Variants in KDM4A observed in about 807,000 individuals in gnomAD.
KDM4A encodes the protein lysine-specific demethylase 4A.
KDM4A carries 23 observed loss-of-function variants against 127.1 expected under a neutral mutation model. The ratio of observed to expected loss-of-function variants is 0.18; its 90% CI spans 0.13 to 0.26. The LOEUF (loss-of-function observed/expected upper bound fraction) is 0.26, where lower values mean the gene tolerates loss of function less well. KDM4A is among the 10% of genes least tolerant of loss of function. The pLI, the probability that KDM4A is intolerant of heterozygous loss-of-function variation, is 1.00. For missense variants in KDM4A, 890 were observed against 1,329.1 expected (o/e 0.67, Z 5.14); for synonymous variants, 443 against 466.5 (o/e 0.95, Z 0.65).
At chr1:43,656,867 A>G (rs1660254652) in intron 3 of KDM4A, among the ~76,000 whole-genome samples, 1 of 151,560 alleles carries the variant, frequency 6.6e-6, no homozygotes. Context: ...CTGGGATTAC[A>G]TACAGGCGCC....
chr1:43,687,501 A>G (rs1332985559), intron 12 of KDM4A, among the ~76,000 whole-genome samples: 1 of 152,336 alleles, frequency 6.6e-6, no homozygotes, highest in East Asian at 1.9e-4. Flanking sequence ...GCAGAGAGCC[A>G]GTCTCCTGTC....
chr1:43,652,311 G>A (rs374292646), intron 1 of KDM4A, among the ~76,000 whole-genome samples: 2 of 152,186 alleles, frequency 1.3e-5, no homozygotes, highest in South Asian at 2.1e-4. Flanking sequence ...GTACTATTAG[G>A]ACCAACAACT....
chr1:43,683,918 C>T (rs1660914140), intron 12 of KDM4A, 114 bp downstream of exon 12: 3 of 1,151,064 alleles, frequency 2.6e-6, no homozygotes, highest in Non-Finnish European at 3.7e-6. Flanking sequence ...GGCTTAGCTG[C>T]TCTTCCAGAT....
At chr1:43,691,619 A>AT (rs1557918333) in intron 15 of KDM4A, 47 bp downstream of exon 15, 1 of 1,516,450 alleles carries the variant, frequency 6.6e-7, no homozygotes, top group Non-Finnish European at 9.2e-7. Context: ...GTCTTGGTGC[A>AT]TATTCAGGGC....
intron 19 of KDM4A, among the ~76,000 whole-genome samples, chr1:43,700,926 ATT>A (rs60244309): frequency 2.8e-5 from 4 of 143,098 alleles, no homozygotes; most frequent in Admixed American, 7.0e-5. Context: ...TATAAATTTA[ATT>A]TTTTTTTTTT....
intron 2 of KDM4A, chr1:43,653,545 GTGTCT>G (rs1660168184): frequency 2.7e-6 from 1 of 366,040 alleles, no homozygotes; most frequent in Non-Finnish European, 5.0e-6. Flanking sequence ...TAAAGAGCTA[GTGTCT>G]CCAGGCCTGG....
At chr1:43,659,114 T>C (rs1008614096) in intron 3 of KDM4A, among the ~76,000 whole-genome samples, 8 of 152,016 alleles carry the variant, frequency 5.3e-5, no homozygotes, top group Non-Finnish European at 1.0e-4. Context: ...CTGGGCAACA[T>C]TGCAGGACTT....
intron 5 of KDM4A, among the ~76,000 whole-genome samples, chr1:43,664,190 G>A (rs910943078): frequency 2.6e-5 from 4 of 152,202 alleles, no homozygotes; most frequent in Non-Finnish European, 5.9e-5. Context: ...ACCGGGTGGA[G>A]TGGTGGTGGG....
chr1:43,686,634 G>A (rs751253640), intron 12 of KDM4A, among the ~76,000 whole-genome samples: 2 of 152,170 alleles, frequency 1.3e-5, no homozygotes, highest in Non-Finnish European at 2.9e-5. Context: ...ACCGCACCCA[G>A]CCCCACAATA....
At chr1:43,677,880 G>C (rs939257092) in intron 11 of KDM4A, among the ~76,000 whole-genome samples, 1 of 152,186 alleles carries the variant, frequency 6.6e-6, no homozygotes, top group Non-Finnish European at 1.5e-5. Context: ...AAAAAGATTT[G>C]AAACAGGGAA....
At position 43,694,206 on chromosome 1, in the gene KDM4A, C is replaced by G; in HGVS notation, c.2484+104C>G. The G allele has an allele frequency of 1.1e-6, 1 of 879,156 alleles. No homozygotes were observed. Among genetic ancestry groups the G allele is most frequent in the Non-Finnish European group, 1.8e-6 (1 of 558,128 alleles). 54.5% of individuals were successfully genotyped at this position (879,156 alleles called of 1,614,324 possible). Reference sequence around the variant, plus strand: ...TTGGTTTTGGTTAGAGTTTGTGATTCTCACTCTGTGGTTAGATTCCTTAGT... The same window carrying G: ...TTGGTTTTGGTTAGAGTTTGTGATTGTCACTCTGTGGTTAGATTCCTTAGT... On this transcript the variant is annotated intron_variant, in intron 17 of 21. Coordinates refer to ENST00000372396, the MANE Select transcript of KDM4A (RefSeq NM_014663.3). This position sits in a 1 kb window ranked among gnomAD's most constrained non-coding sequence, Gnocchi z 5.2.
chr1:43,694,557 A>C lies in KDM4A; in HGVS notation c.2485-152A>C, dbSNP rs1319140657. 1.6e-6 allele frequency: 1 copy of C among 610,790 alleles called. No individual in the cohort carries two copies. Among genetic ancestry groups the C allele is most frequent in the Non-Finnish European group, 2.8e-6 (1 of 357,210 alleles). 37.8% of individuals were successfully genotyped at this position (610,790 alleles called of 1,614,324 possible). A position where few individuals can be genotyped will look rare whatever the true frequency, so the allele number is the denominator to read the frequency against. On this transcript the variant is annotated intron_variant, in intron 17 of 21. Coordinates refer to ENST00000372396, the MANE Select transcript of KDM4A (RefSeq NM_014663.3). The surrounding 1 kb of genome is among the most constrained non-coding windows in gnomAD (Gnocchi z 5.2). ...AAATTTCCTTGGCAGATAAAGTTGT[A>C]ACCAGACCTGGATTAGAGCAGGCTG... is the stretch of plus-strand genomic sequence containing the variant.
intron 3 of KDM4A, 116 bp from the exon 4 acceptor site, chr1:43,660,182 C>A: frequency 8.7e-7 from 1 of 1,148,024 alleles, no homozygotes; most frequent in Non-Finnish European, 1.3e-6. Flanking sequence ...CAAGATTATG[C>A]CTTGTTCATT....
At chr1:43,681,554 C>T (rs1390394463) in intron 11 of KDM4A, among the ~76,000 whole-genome samples, 1 of 152,184 alleles carries the variant, frequency 6.6e-6, no homozygotes, top group Non-Finnish European at 1.5e-5. Flanking sequence ...TATTAGCCCC[C>T]ACTTCCTCCA....
rs555793716 is a variant in KDM4A at position 43,657,179 on chromosome 1, C to T, written c.314+1413C>T. Among the ~76,000 whole-genome samples the T allele has an allele frequency of 7.6e-4, 116 of 152,140 alleles. 1 individual carries two copies. Among genetic ancestry groups the T allele is most frequent in the Admixed American group, 7.5e-3 (114 of 15,274 alleles). On this transcript the variant is annotated intron_variant, in intron 3 of 21. Coordinates refer to ENST00000372396, the MANE Select transcript of KDM4A (RefSeq NM_014663.3). ...CTGGGATTATAGGCATGAGCCACTG[C>T]ATCCGGCTGACACCTTAACTCCTTT...
chr1:43,666,494 G>A lies in KDM4A; in HGVS notation c.716G>A (p.Arg239His). Residue 239 changes from arginine (R) to histidine (H), a missense_variant, in exon 7 of 22, where the codon CGC (arginine) becomes CAC (histidine). Coordinates refer to ENST00000372396, the MANE Select transcript of KDM4A (RefSeq NM_014663.3). The stretch of plus-strand genomic sequence containing the variant: ...GCTCAAAGCTGTGAGGCATTTCTCC[G>A]CCACAAGATGACCCTGATTTCCCCG... The part of the protein sequence containing the change: ...GSAQSCEAFL[R>H]HKMTLISPLM... 2 of 1,614,170 alleles carry A rather than the reference G, an allele frequency of 1.2e-6. No individual in the cohort carries two copies. Among genetic ancestry groups the A allele is most frequent in the Non-Finnish European group, 1.7e-6 (2 of 1,180,030 alleles).
chr1:43,665,895 G>A, intron 6 of KDM4A, 150 bp downstream of exon 6: 1 of 717,472 alleles, frequency 1.4e-6, no homozygotes, highest in Non-Finnish European at 2.4e-6. Flanking sequence ...TACCTTAAGA[G>A]GGCAGTGACG....
chr1:43,667,052 T>C lies in KDM4A; in HGVS notation c.876T>C (p.Ala292=). The change falls in exon 8 of 22, where the codon GCT becomes GCC. Residue 292 remains alanine (A), a synonymous_variant. Transcript: ENST00000372396. ...GFNCAESTNF[A]TRRWIEYGKQ... is the part of the protein sequence containing the mutation. The stretch of plus-strand genomic sequence containing the variant: ...ACTGTGCGGAGTCTACCAATTTTGC[T>C]ACCCGTCGGTGGATTGAGTACGGCA... The C allele has an allele frequency of 1.2e-6, 2 of 1,614,210 alleles. No homozygotes were observed. The highest frequency in any genetic ancestry group is 1.7e-6 in the Non-Finnish European group (2 of 1,180,024).
intron 12 of KDM4A, among the ~76,000 whole-genome samples, chr1:43,686,636 C>T (rs1331735523): frequency 2.6e-5 from 4 of 152,182 alleles, no homozygotes; most frequent in African/African-American, 7.2e-5. Flanking sequence ...CGCACCCAGC[C>T]CCACAATATC....
Sources: gnomAD v4.1 joint callset for allele counts (sites outside exome capture counted in the v4.1 genomes callset) on GRCh38, gnomAD v4.1.1 for gene constraint, Gnocchi (gnomAD v3.1) non-coding constraint, MANE v1.5 for transcripts, NCBI Gene and HGNC (gene_info 2026-07-23, HGNC 2026-07-21) for gene names.